Variants in XKR6 observed in about 807,000 individuals in gnomAD.
The protein encoded by XKR6 is XK-related protein 6.
Under a neutral mutation model 56.7 loss-of-function variants are expected in XKR6, and 22 were observed. The ratio of observed to expected loss-of-function variants is 0.39; its 90% CI spans 0.28 to 0.55. The LOEUF (loss-of-function observed/expected upper bound fraction) is 0.55. XKR6 is among the 20% of genes least tolerant of loss of function. XKR6 has a pLI of 0.66. For missense variants in XKR6, 852 were observed against 889.0 expected, an observed-to-expected ratio of 0.96 and a Z score of 0.53; for synonymous variants, 524 against 387.8, an observed-to-expected ratio of 1.35 and a Z score of -4.13.
chr8:11,183,523 G>C (rs1803108677), intron 1 of XKR6, among the ~76,000 whole-genome samples: 1 of 150,956 alleles, frequency 6.6e-6, no homozygotes, highest in Non-Finnish European at 1.5e-5. Context: ...GTCCCACCAT[G>C]CTGGGCTCAA....
At chr8:11,178,539 G>C (rs983955123) in intron 1 of XKR6, among the ~76,000 whole-genome samples, 2 of 99,144 alleles carry the variant, frequency 2.0e-5, no homozygotes, top group African/African-American at 1.1e-4. Context: ...AAACATCTGA[G>C]AGGTAAAAAT....
In XKR6 at chr8:10,970,022, G is replaced by A. The variant is rs1293953411; in HGVS notation, c.765-45192C>T. Among the ~76,000 whole-genome samples the A allele has an allele frequency of 4.6e-5, 7 of 152,170 alleles. No homozygotes were observed. The East Asian group carries it at 1.4e-3, about 29-fold the overall frequency. On this transcript the variant is annotated intron_variant, in intron 1 of 2. Coordinates refer to ENST00000416569, the MANE Select transcript of XKR6 (RefSeq NM_173683.4). The stretch of plus-strand genomic sequence containing the variant: ...GTTCACCCTGCTCAGGTGATAAGTC[G>A]GAGCCCCAAATGCTCGCCACAGATG...
intron 1 of XKR6, among the ~76,000 whole-genome samples, chr8:10,998,469 C>T (rs1023412486): frequency 1.3e-5 from 2 of 152,236 alleles, no homozygotes; most frequent in Non-Finnish European, 2.9e-5. Flanking sequence ...CTCCATCTTA[C>T]TGACAGGCCT....
intron 1 of XKR6, among the ~76,000 whole-genome samples, chr8:11,195,881 T>C (rs1803859174): frequency 6.6e-6 from 1 of 151,602 alleles, no homozygotes; most frequent in Non-Finnish European, 1.5e-5. Flanking sequence ...CGCGATCTCC[T>C]GACCTCATGA....
intron 1 of XKR6, among the ~76,000 whole-genome samples, chr8:10,937,325 A>G (rs1334648426): frequency 6.9e-6 from 1 of 145,854 alleles, no homozygotes; most frequent in East Asian, 2.0e-4. Context: ...AAAGTTTTCA[A>G]CTTCTTTGCC....
At chr8:11,058,628 G>T (rs553336712) in intron 1 of XKR6, among the ~76,000 whole-genome samples, 2 of 152,292 alleles carry the variant, frequency 1.3e-5, no homozygotes, top group Admixed American at 6.5e-5. Context: ...ATAAGTGGGA[G>T]CTGAACAATG....
At chr8:10,924,904 C>G in intron 1 of XKR6, 74 bp from the exon 2 acceptor site, 1 of 1,491,240 alleles carries the variant, frequency 6.7e-7, no homozygotes, top group Non-Finnish European at 9.1e-7. Flanking sequence ...TGCCATCCCC[C>G]TAAAACCAAG....
At chr8:11,190,204 A>AAAGAAAAG (rs746304600) in intron 1 of XKR6, among the ~76,000 whole-genome samples, 11 of 120,980 alleles carry the variant, frequency 9.1e-5, no homozygotes, top group Admixed American at 2.4e-4. Context: ...AGAAAGAAAG[A>AAAGAAAAG]AAAGAAAGAA....
chr8:10,966,541 G>A (rs1802229415), intron 1 of XKR6, among the ~76,000 whole-genome samples: 1 of 152,146 alleles, frequency 6.6e-6, no homozygotes, highest in Non-Finnish European at 1.5e-5. Context: ...TGGCGTGGTG[G>A]TGGGCACCTG....
intron 1 of XKR6, among the ~76,000 whole-genome samples, chr8:10,986,954 T>C (rs1797877487): frequency 6.6e-6 from 1 of 151,602 alleles, no homozygotes; most frequent in Admixed American, 6.6e-5. Context: ...TTTTTTAACA[T>C]TTAAATAGTT....
intron 1 of XKR6, among the ~76,000 whole-genome samples, chr8:11,180,053 T>G (rs1348149498): frequency 1.3e-5 from 2 of 152,000 alleles, no homozygotes. Context: ...GTGGGAGAAC[T>G]GTTTGAGCCT....
intron 2 of XKR6, among the ~76,000 whole-genome samples, chr8:10,918,654 T>C (rs915995864): frequency 1.3e-5 from 2 of 152,346 alleles, no homozygotes; most frequent in Middle Eastern, 3.4e-3. Flanking sequence ...GCTTGAGGCG[T>C]TGTGCATGGC....
Position 11,143,278 on chromosome 8 carries a change from T to G in XKR6, c.764+57298A>C, listed in dbSNP as rs546573241. ...AAACTCTCATGAAGATCAGCAGTAG[T>G]ACTGTGCCTGTGAATAGCCTCTGAA... On this transcript the variant is annotated intron_variant, in intron 1 of 2. Transcript: ENST00000416569. Among the ~76,000 whole-genome samples, 10 of 152,328 alleles carry G rather than the reference T, an allele frequency of 6.6e-5. No individual in the cohort carries two copies. In the South Asian group the frequency reaches 1.9e-3, roughly 28 times the overall value.
rs529396797 is a variant in XKR6 at position 11,192,291 on chromosome 8, T to C, written c.764+8285A>G. On this transcript the variant is annotated intron_variant, in intron 1 of 2. Transcript: ENST00000416569. ...CTGCTGCCTCAGCCTCCTGAGTAGC[T>C]GGGACTACAGGCGCGTGCCACCACG... Among the ~76,000 whole-genome samples, 6 of 152,158 alleles carry C rather than the reference T, an allele frequency of 3.9e-5. No homozygotes were observed. In the East Asian group the frequency reaches 9.7e-4, roughly 25 times the overall value.
chr8:10,973,108 T>C (rs1481702678), intron 1 of XKR6, among the ~76,000 whole-genome samples: 1 of 152,240 alleles, frequency 6.6e-6, no homozygotes, highest in East Asian at 1.9e-4. Context: ...TGATTCAGAA[T>C]GTTCCCTGAG....
At chr8:11,171,979 G>C (rs1259866216) in intron 1 of XKR6, among the ~76,000 whole-genome samples, 1 of 151,734 alleles carries the variant, frequency 6.6e-6, no homozygotes, top group Non-Finnish European at 1.5e-5. Flanking sequence ...CTTGAACCCG[G>C]GAGGCACAGT....
intron 1 of XKR6, among the ~76,000 whole-genome samples, chr8:11,056,819 C>G (rs1304291393): frequency 6.6e-6 from 1 of 152,216 alleles, no homozygotes; most frequent in African/African-American, 2.4e-5. Flanking sequence ...CCTGCTCCTC[C>G]CGTCTGCTCA....
chr8:11,120,515 C>G (rs1799397142), intron 1 of XKR6, among the ~76,000 whole-genome samples: 4 of 152,030 alleles, frequency 2.6e-5, no homozygotes, highest in Non-Finnish European at 5.9e-5. Context: ...AACTACAAAC[C>G]ACTGCTCAAC....
At chr8:11,112,548 A>T (rs942570616) in intron 1 of XKR6, among the ~76,000 whole-genome samples, 1 of 152,246 alleles carries the variant, frequency 6.6e-6, no homozygotes, top group Admixed American at 6.5e-5. Flanking sequence ...AGGCTTAAAG[A>T]CCATGCTACT....
Sources: gnomAD v4.1 joint callset for allele counts (sites outside exome capture counted in the v4.1 genomes callset) on GRCh38, gnomAD v4.1.1 for gene constraint, MANE v1.5 for transcripts, NCBI Gene and HGNC (gene_info 2026-07-23, HGNC 2026-07-21) for gene names.